The following PRKN variants were observed in gnomAD, a reference collection of about 807,000 sequenced individuals.
PRKN encodes the protein parkin RBR E3 ubiquitin protein ligase.
Under a neutral mutation model 59.5 loss-of-function variants are expected in PRKN, and 56 were observed. That is an observed-to-expected ratio of 0.94 (90% CI 0.76 to 1.18). The LOEUF is 1.18. Ranked by LOEUF, PRKN falls within the 50% of genes most tolerant of loss-of-function variation. PRKN has a pLI of 0.00. For synonymous variants in PRKN, 250 were observed against 222.1 expected (o/e 1.13, Z -1.12); for missense variants, 657 against 596.4 (o/e 1.10, Z -1.06).
chr6:162,678,448 T>C (rs186439157), intron 1 of PRKN, among the ~76,000 whole-genome samples: 1 of 152,346 alleles, frequency 6.6e-6, no homozygotes, highest in East Asian at 1.9e-4. Flanking sequence ...AGTTACTCTG[T>C]ATCCTCACCC....
chr6:161,374,100 G>A (rs1262138097), intron 10 of PRKN, among the ~76,000 whole-genome samples: 2 of 152,142 alleles, frequency 1.3e-5, no homozygotes, highest in Non-Finnish European at 2.9e-5. Flanking sequence ...ATACTGAGTG[G>A]GGTGTGCAGA....
rs146829590 is a variant in PRKN at position 161,520,821 on chromosome 6, G to A, written c.1083+28033C>T. On this transcript the variant is annotated intron_variant, in intron 9 of 11. Coordinates refer to ENST00000366898, the MANE Select transcript of PRKN (RefSeq NM_004562.3). ...AGCTGTTCTTCCAAATCAAAATGTAGTGAAGACATTTTACATAAAGACACA... is the reference window on the plus strand; with the variant it reads ...AGCTGTTCTTCCAAATCAAAATGTAATGAAGACATTTTACATAAAGACACA... Among the ~76,000 whole-genome samples the A allele has an allele frequency of 4.6e-5, 7 of 152,276 alleles. No homozygotes were observed. In the East Asian group the frequency reaches 1.4e-3, roughly 29 times the overall value.
chr6:162,541,333 G>A (rs1778919264), intron 1 of PRKN, among the ~76,000 whole-genome samples: 1 of 152,184 alleles, frequency 6.6e-6, no homozygotes, highest in Non-Finnish European at 1.5e-5. Flanking sequence ...TAAAAGTTGA[G>A]GCATGCATCA....
intron 2 of PRKN, among the ~76,000 whole-genome samples, chr6:162,429,986 ATC>A: frequency 6.6e-6 from 1 of 152,134 alleles, no homozygotes; most frequent in Non-Finnish European, 1.5e-5. Flanking sequence ...AGACCTTTGC[ATC>A]TTTTATTTTA....
At chr6:162,102,454 G>T (rs543002252) in intron 4 of PRKN, among the ~76,000 whole-genome samples, 1 of 152,226 alleles carries the variant, frequency 6.6e-6, no homozygotes, top group South Asian at 2.1e-4. Context: ...TCTAGACATG[G>T]TGTATAAAAA....
chr6:162,553,585 T>G (rs1206093420), intron 1 of PRKN, among the ~76,000 whole-genome samples: 5 of 136,664 alleles, frequency 3.7e-5, no homozygotes, highest in African/African-American at 1.3e-4. Flanking sequence ...GGAAAGAAAC[T>G]AAAACACAGA....
At chr6:162,614,629 G>A (rs569697163) in intron 1 of PRKN, among the ~76,000 whole-genome samples, 8 of 152,150 alleles carry the variant, frequency 5.3e-5, no homozygotes, top group East Asian at 3.9e-4. Context: ...AAATGTTCAC[G>A]AAGGGAAAGG....
intron 6 of PRKN, among the ~76,000 whole-genome samples, chr6:161,802,374 TC>T (rs1002382793): frequency 6.6e-6 from 1 of 151,198 alleles, no homozygotes; most frequent in Non-Finnish European, 1.5e-5. Context: ...TCTGTGACCC[TC>T]CCCACACAGG....
chr6:161,767,149 G>T (rs1340827157), intron 7 of PRKN, among the ~76,000 whole-genome samples: 1 of 152,194 alleles, frequency 6.6e-6, no homozygotes, highest in Admixed American at 6.5e-5. Flanking sequence ...TGAAGAACAA[G>T]TTAGCTAATG....
intron 4 of PRKN, among the ~76,000 whole-genome samples, chr6:162,157,919 T>G (rs959269372): frequency 6.6e-6 from 1 of 152,090 alleles, no homozygotes; most frequent in African/African-American, 2.4e-5. Context: ...TCCTCTGGTC[T>G]CAACATTTTG....
In PRKN at chr6:162,056,763, G is replaced by A. The variant is rs111800588; in HGVS notation, c.535-2589C>T. On this transcript the variant is annotated intron_variant, in intron 4 of 11. Coordinates refer to ENST00000366898, the MANE Select transcript of PRKN (RefSeq NM_004562.3). The surrounding 1 kb of genome is among the most constrained non-coding windows in gnomAD (Gnocchi z 4.9). Reference sequence around the variant, plus strand: ...ACATCTTCTCACCCTCGGCAAGGCTGGAATTTTGATAAGCCCCAGGCAGAG... The same window carrying A: ...ACATCTTCTCACCCTCGGCAAGGCTAGAATTTTGATAAGCCCCAGGCAGAG... 5.9e-4 allele frequency among the ~76,000 whole-genome samples: 90 copies of A among 152,116 alleles called. No homozygotes were observed. The highest frequency in any genetic ancestry group is 2.0e-3 in the African/African-American group (84 of 41,402).
Position 162,247,519 on chromosome 6 carries a change from CTTAT to C in PRKN, c.412+15002_412+15005del, listed in dbSNP as rs148263963. Among the ~76,000 whole-genome samples the C allele has an allele frequency of 9.4e-4, 143 of 152,124 alleles. 3 individuals carry two copies. The East Asian group carries it at 0.023, about 24-fold the overall frequency. On this transcript the variant is annotated intron_variant, in intron 3 of 11. Coordinates refer to ENST00000366898, the MANE Select transcript of PRKN (RefSeq NM_004562.3). ...TTAAAATTCACCTAATTTTGATTGG[CTTAT>C]TTGTGAGATAAATTAAGGGGGAAAA...
chr6:162,186,604 T>A (rs1210041813), intron 4 of PRKN, among the ~76,000 whole-genome samples: 1 of 152,180 alleles, frequency 6.6e-6, no homozygotes. Flanking sequence ...AAATCTCATG[T>A]TCAATTGTAA....
rs1257602607 is a variant in PRKN, at chr6:161,874,164, AATATATAATATATATT to A, written c.735-88272_735-88257del. ...GTAAAATATAATATATATTATATAT[AATATATAATATATATT>A]ATATATAATATATAATATATATTAT... On this transcript the variant is annotated intron_variant, in intron 6 of 11. Transcript: ENST00000366898. 3.3e-4 allele frequency among the ~76,000 whole-genome samples: 7 copies of A among 21,044 alleles called. No individual in the cohort carries two copies. The Admixed American group carries it at 4.0e-3, about 12-fold the overall frequency. The allele number at this position is 21,044 out of a possible 152,430, so 13.8% of individuals were successfully genotyped here.
intron 7 of PRKN, among the ~76,000 whole-genome samples, chr6:161,577,719 A>G (rs914444707): frequency 2.0e-5 from 3 of 152,212 alleles, no homozygotes; most frequent in African/African-American, 4.8e-5. Context: ...CTGTGATTTC[A>G]TAATTTATAT....
chr6:162,417,219 C>A (rs1019692880), intron 2 of PRKN, among the ~76,000 whole-genome samples: 4 of 152,300 alleles, frequency 2.6e-5, no homozygotes, highest in Middle Eastern at 3.4e-3. Flanking sequence ...AGTAAAAAGT[C>A]GTGACTTTTT....
At chr6:162,573,611 A>G (rs1780440760) in intron 1 of PRKN, among the ~76,000 whole-genome samples, 1 of 152,166 alleles carries the variant, frequency 6.6e-6, no homozygotes, top group Admixed American at 6.6e-5. Flanking sequence ...TAGTAATCCA[A>G]GTGATATTGA....
At chr6:161,945,133 G>A (rs1437723808) in intron 6 of PRKN, among the ~76,000 whole-genome samples, 1 of 152,076 alleles carries the variant, frequency 6.6e-6, no homozygotes, top group Non-Finnish European at 1.5e-5. Context: ...TGGATGAGAC[G>A]CTGAAATGGA....
intron 2 of PRKN, among the ~76,000 whole-genome samples, chr6:162,331,514 A>G (rs957625724): frequency 1.4e-4 from 22 of 152,092 alleles, no homozygotes; most frequent in Non-Finnish European, 2.6e-4. Context: ...ACAGCTTCCC[A>G]TCTTTCTTCC....
Sources: gnomAD v4.1 joint callset for allele counts (sites outside exome capture counted in the v4.1 genomes callset) on GRCh38, gnomAD v4.1.1 for gene constraint, Gnocchi (gnomAD v3.1) non-coding constraint, MANE v1.5 for transcripts, NCBI Gene and HGNC (gene_info 2026-07-23, HGNC 2026-07-21) for gene names.